The following LYRM2 variants were observed in gnomAD, a reference collection of about 807,000 sequenced individuals.
LYRM2 encodes the protein LYR motif-containing protein 2.
Under a neutral mutation model 11.6 loss-of-function variants are expected in LYRM2, and 8 were observed. That is an observed-to-expected ratio of 0.69 (90% CI 0.40 to 1.24). LYRM2 has a LOEUF of 1.24. LYRM2 is among the 50% of genes most tolerant of loss of function. The pLI is 0.01. For synonymous variants in LYRM2, 30 were observed against 36.4 expected (o/e 0.83, Z 0.63); for missense variants, 117 against 102.9 (o/e 1.14, Z -0.59).
intron 1 of LYRM2, 182 bp downstream of exon 1, chr6:89,638,490 C>T: frequency 6.6e-7 from 1 of 1,513,102 alleles, no homozygotes. Context: ...ACCAAGGAAG[C>T]AGCCAGTGCC....
chr6:89,638,291 G>A lies in LYRM2; in HGVS notation c.45+381C>T, dbSNP rs1487146108. ...GCCTACCGGGCTGAAAAGGGCTGCCGGTCTCCTAGAAGTTGTTATTACAAC... is the reference window on the plus strand; with the variant it reads ...GCCTACCGGGCTGAAAAGGGCTGCCAGTCTCCTAGAAGTTGTTATTACAAC... On this transcript the variant is annotated intron_variant, in intron 1 of 2. Coordinates refer to ENST00000523377, the MANE Select transcript of LYRM2 (RefSeq NM_020466.5). 6.1e-6 allele frequency: 7 copies of A among 1,143,592 alleles called. No individual in the cohort carries two copies. The African/African-American group carries it at 9.7e-5, about 16-fold the overall frequency. 70.8% of individuals were successfully genotyped at this position (1,143,592 alleles called of 1,614,324 possible).
intron 1 of LYRM2, chr6:89,638,319 C>T (rs1808073591): frequency 2.5e-6 from 3 of 1,191,016 alleles, no homozygotes; most frequent in Non-Finnish European, 3.1e-6. Context: ...ATTACAACGA[C>T]AGCACTTTTT....
Position 89,638,517 on chromosome 6 carries a change from G to C in LYRM2, c.45+155C>G, listed in dbSNP as rs377525596. 3.0e-4 allele frequency: 465 copies of C among 1,542,278 alleles called. 7 individuals are homozygous for C. In the East Asian group the frequency reaches 6.1e-3, roughly 20 times the overall value. ...GCCAGTGCCTCCCGTCAGGCCCCGC[G>C]GAGCGAAGCACCGCCCCGCAGGCAT... On this transcript the variant is annotated intron_variant, in intron 1 of 2. Transcript: ENST00000523377.
In LYRM2 at chr6:89,637,345, G is replaced by T; in HGVS notation, c.195C>A (p.Ile65=). 1.2e-6 allele frequency: 2 copies of T among 1,604,010 alleles called. No individual in the cohort carries two copies. Among genetic ancestry groups the T allele is most frequent in the Non-Finnish European group, 8.5e-7 (1 of 1,171,428 alleles). ...RNKSATEEDT[I]RMMITQGNMQ... ...TATTGCCTTGAGTAATCATCATCCG[G>T]ATTGTATCCTGTAGAATAAAGTGAA... The change falls in exon 3 of 3, where the codon ATC becomes ATA. Residue 65 remains isoleucine (I), a synonymous_variant. Transcript: ENST00000523377.
At chr6:89,637,422 C>A in intron 2 of LYRM2, 69 bp from the exon 3 acceptor site, 2 of 1,035,296 alleles carry the variant, frequency 1.9e-6, no homozygotes, top group African/African-American at 1.6e-5. Context: ...ACCATTTTAT[C>A]TGTTAAAATC....
intron 1 of LYRM2, 71 bp downstream of exon 1, chr6:89,638,601 G>C (rs1211863916): frequency 6.2e-7 from 1 of 1,610,406 alleles, no homozygotes; most frequent in Non-Finnish European, 8.5e-7. Flanking sequence ...GCCCCGTTGG[G>C]GATAGGGACA....
intron 2 of LYRM2, among the ~76,000 whole-genome samples, 165 bp from the exon 3 acceptor site, chr6:89,637,518 AAAGTC>A (rs1448558640): frequency 6.6e-6 from 1 of 152,224 alleles, no homozygotes; most frequent in Non-Finnish European, 1.5e-5. Context: ...GTACAACATA[AAAGTC>A]AAGTGATGAT....
In LYRM2 at chr6:89,634,472, G is replaced by A. The variant is rs1040805522; in HGVS notation, c.*2801C>T. On this transcript the variant is annotated 3_prime_UTR_variant, in exon 3 of 3. Coordinates refer to ENST00000523377, the MANE Select transcript of LYRM2 (RefSeq NM_020466.5). ...CTGTAATCCTAGCACTCTGGCCACC[G>A]AGGCAGGTGGATTGCTTGAGCCCAG... 4 of 150,506 alleles carry A rather than the reference G, an allele frequency of 2.7e-5. No individual in the cohort carries two copies. The highest frequency in any genetic ancestry group is 6.6e-5 in the Admixed American group (1 of 15,110). The allele number at this position is 150,506 out of a possible 1,614,324, so 9.3% of individuals were successfully genotyped here. A position where few individuals can be genotyped will look rare whatever the true frequency, so the allele number is the denominator to read the frequency against.
chr6:89,637,675 TAAAAAA>T (rs543524750), intron 2 of LYRM2, 61 bp downstream of exon 2: 2 of 1,281,976 alleles, frequency 1.6e-6, no homozygotes, highest in East Asian at 2.7e-5. Flanking sequence ...CTGCTAAACT[TAAAAAA>T]AAAAATTCAC....
intron 1 of LYRM2, 173 bp downstream of exon 1, chr6:89,638,499 C>A (rs747933248): frequency 6.8e-5 from 104 of 1,523,656 alleles, no homozygotes; most frequent in Non-Finnish European, 8.9e-5. Flanking sequence ...GCAGCCAGTG[C>A]CTCCCGTCAG....
rs1421963399 is a variant in LYRM2, at chr6:89,633,635, ACTTTTGATTTTGGGAG to A, written c.*3622_*3637del. On this transcript the variant is annotated 3_prime_UTR_variant, in exon 3 of 3. Transcript: ENST00000523377. ...TCTGTGATTAAATAAATTAGTTCTA[ACTTTTGATTTTGGGAG>A]CCCAAAATAAAGGGAGTGTTGTTTT... 1 of 152,158 alleles carries A rather than the reference ACTTTTGATTTTGGGAG, an allele frequency of 6.6e-6. No individual in the cohort carries two copies. The highest frequency in any genetic ancestry group is 2.4e-5 in the African/African-American group (1 of 41,418). 9.4% of individuals were successfully genotyped at this position (152,158 alleles called of 1,614,324 possible). A position where few individuals can be genotyped will look rare whatever the true frequency, so the allele number is the denominator to read the frequency against.
chr6:89,637,935 A>G (rs1808058484), intron 1 of LYRM2, 53 bp from the exon 2 acceptor site: 28 of 1,538,692 alleles, frequency 1.8e-5, no homozygotes, highest in Non-Finnish European at 2.4e-5. Flanking sequence ...GCCAGCCTGG[A>G]AAGTTCTACT....
Position 89,632,677 on chromosome 6 carries a change from C to G in LYRM2, c.*4596G>C, listed in dbSNP as rs989058247. On this transcript the variant is annotated 3_prime_UTR_variant, in exon 3 of 3. Coordinates refer to ENST00000523377, the MANE Select transcript of LYRM2 (RefSeq NM_020466.5). ...CATGTGTTTGGGAGCTTGTCTTGTT[C>G]TCAACTACTACGCAGGTAGACAGTC... 6 of 152,170 alleles carry G rather than the reference C, an allele frequency of 3.9e-5. No homozygotes were observed. The highest frequency in any genetic ancestry group is 1.4e-4 in the African/African-American group (6 of 41,450). The allele number at this position is 152,170 out of a possible 1,614,324, so 9.4% of individuals were successfully genotyped here.
At position 89,635,322 on chromosome 6, in the gene LYRM2, T is replaced by C. The variant is rs1807970617; in HGVS notation, c.*1951A>G. 6.6e-6 allele frequency: 1 copy of C among 152,254 alleles called. No individual in the cohort carries two copies. 9.4% of individuals were successfully genotyped at this position (152,254 alleles called of 1,614,324 possible). A position where few individuals can be genotyped will look rare whatever the true frequency, so the allele number is the denominator to read the frequency against. On this transcript the variant is annotated 3_prime_UTR_variant, in exon 3 of 3. Transcript: ENST00000523377. ...CTCTGTTCAGAAACGTCACAAATGCTTCTGTTTGTCAGATCATTTTGCAAC... is the reference window on the plus strand; with the variant it reads ...CTCTGTTCAGAAACGTCACAAATGCCTCTGTTTGTCAGATCATTTTGCAAC...
In LYRM2 at chr6:89,637,852, A is replaced by G; in HGVS notation, c.76T>C (p.Tyr26His). Reference protein sequence around the residue: ...FVRRQQVLLLYRRILQTIRQV... With the variant: ...FVRRQQVLLLHRRILQTIRQV... ...CGAATTGTTTGCAAAATCCTTCTGT[A>G]GAGGAGAAGAACTTGTTGCCTTCTT... is the stretch of plus-strand genomic sequence containing the variant. The change falls in exon 2 of 3, where the codon TAC (tyrosine) becomes CAC (histidine). Residue 26 changes from tyrosine (Y) to histidine (H), a missense_variant. Coordinates refer to ENST00000523377, the MANE Select transcript of LYRM2 (RefSeq NM_020466.5). 4 of 1,614,144 alleles carry G rather than the reference A, an allele frequency of 2.5e-6. No homozygotes were observed. Among genetic ancestry groups the G allele is most frequent in the South Asian group, 1.1e-5 (1 of 91,074 alleles).
In LYRM2 at chr6:89,637,203, T is replaced by C. The variant is rs1808028804; in HGVS notation, c.*70A>G. ...TAAATAGTAAGACTGGGCTTTGTGT[T>C]GTCCATTGTTAATCCTAAATGCAAC... On this transcript the variant is annotated 3_prime_UTR_variant, in exon 3 of 3. Transcript: ENST00000523377. The C allele has an allele frequency of 1.3e-6, 1 of 769,936 alleles. No homozygotes were observed. The highest frequency in any genetic ancestry group is 1.7e-5 in the African/African-American group (1 of 57,986). The allele number at this position is 769,936 out of a possible 1,614,324, so 47.7% of individuals were successfully genotyped here. A position where few individuals can be genotyped will look rare whatever the true frequency, so the allele number is the denominator to read the frequency against.
chr6:89,638,632 C>T lies in LYRM2; in HGVS notation c.45+40G>A, dbSNP rs543744013. 1.4e-4 allele frequency: 228 copies of T among 1,613,642 alleles called. 1 individual carries two copies. Among genetic ancestry groups the T allele is most frequent in the Middle Eastern group, 8.2e-4 (5 of 6,062 alleles). ...GGACAGATGGAGAATCCAGCTCAGACCCAGGTAAGCTGCTTTGGAAGGCAG... is the reference window on the plus strand; with the variant it reads ...GGACAGATGGAGAATCCAGCTCAGATCCAGGTAAGCTGCTTTGGAAGGCAG... On this transcript the variant is annotated intron_variant, in intron 1 of 2. Transcript: ENST00000523377.
At position 89,634,397 on chromosome 6, in the gene LYRM2, G is replaced by GTGAC. The variant is rs1456755210; in HGVS notation, c.*2872_*2875dup. Reference sequence around the variant, plus strand: ...ATTTTAGAAAGTCATTCCATTCTGGGTGACAGAATGAGGTAAGACTGTCTC... The same window carrying GTGAC: ...ATTTTAGAAAGTCATTCCATTCTGGGTGACTGACAGAATGAGGTAAGACTGTCTC... On this transcript the variant is annotated 3_prime_UTR_variant, in exon 3 of 3. Coordinates refer to ENST00000523377, the MANE Select transcript of LYRM2 (RefSeq NM_020466.5). The GTGAC allele has an allele frequency of 2.0e-5, 3 of 151,362 alleles. No homozygotes were observed. The highest frequency in any genetic ancestry group is 7.3e-5 in the African/African-American group (3 of 41,234). 9.4% of individuals were successfully genotyped at this position (151,362 alleles called of 1,614,324 possible). A position where few individuals can be genotyped will look rare whatever the true frequency, so the allele number is the denominator to read the frequency against.
rs138426132 is a variant in LYRM2, at chr6:89,632,386, T to C, written c.*4887A>G. The C allele has an allele frequency of 1.2e-4, 18 of 152,100 alleles. No individual in the cohort carries two copies. In the East Asian group the frequency reaches 2.1e-3, roughly 18 times the overall value. The allele number at this position is 152,100 out of a possible 1,614,324, so 9.4% of individuals were successfully genotyped here. ...TAAAAGAAAAATAATTCAGTAGATA[T>C]ATGTCACTGTTACCTGAATATGGAA... On this transcript the variant is annotated 3_prime_UTR_variant, in exon 3 of 3. Transcript: ENST00000523377.
Sources: gnomAD v4.1 joint callset for allele counts (sites outside exome capture counted in the v4.1 genomes callset) on GRCh38, gnomAD v4.1.1 for gene constraint, MANE v1.5 for transcripts, NCBI Gene and HGNC (gene_info 2026-07-23, HGNC 2026-07-21) for gene names.